GAD2: variants seen among roughly 807,000 people sequenced by gnomAD.
GAD2 encodes glutamate decarboxylase 2.
Under a neutral mutation model 80.1 loss-of-function variants are expected in GAD2, and 22 were observed. The ratio of observed to expected loss-of-function variants is 0.27; its 90% CI spans 0.20 to 0.39. The LOEUF (loss-of-function observed/expected upper bound fraction) is 0.39. GAD2 is among the 10% of genes least tolerant of loss of function. The pLI, the probability that GAD2 is intolerant of heterozygous loss-of-function variation, is 1.00. For missense variants in GAD2, 624 were observed against 738.4 expected, an observed-to-expected ratio of 0.85 and a Z score of 1.80; for synonymous variants, 274 against 256.9, an observed-to-expected ratio of 1.07 and a Z score of -0.64.
At position 26,292,932 on chromosome 10, in the gene GAD2, A is replaced by G. The variant is rs1482175569; in HGVS notation, c.1525A>G (p.Ile509Val). ...PQHTNVCFWY[I>V]PPSLRTLEDN... ...GCACACAAATGTCTGCTTCTGGTAC[A>G]TTCCTCCAAGCTTGCGTACTCTGGA... The change falls in exon 15 of 16, where the codon ATT becomes GTT. Residue 509 changes from isoleucine (I) to valine (V), a missense_variant. By Grantham distance (29) the Ile-to-Val change is conservative (BLOSUM62 3). Coordinates refer to ENST00000376261, the MANE Select transcript of GAD2 (RefSeq NM_001134366.2). The G allele has an allele frequency of 6.8e-6, 11 of 1,613,894 alleles. No individual in the cohort carries two copies. The highest frequency in any genetic ancestry group is 9.3e-6 in the Non-Finnish European group (11 of 1,179,950).
intron 3 of GAD2, 94 bp downstream of exon 3, chr10:26,218,085 G>T: frequency 7.5e-7 from 1 of 1,327,152 alleles, no homozygotes; most frequent in Non-Finnish European, 1.0e-6. Flanking sequence ...GAGCCGGACA[G>T]GGGCGTCGAG....
chr10:26,234,903 C>G (rs552284120), intron 7 of GAD2, among the ~76,000 whole-genome samples: 1 of 152,112 alleles, frequency 6.6e-6, no homozygotes, highest in South Asian at 2.1e-4. Context: ...GATGGAATCT[C>G]TCTCTGTTAC....
intron 11 of GAD2, among the ~76,000 whole-genome samples, chr10:26,277,509 A>T (rs1845223615): frequency 6.6e-6 from 1 of 152,176 alleles, no homozygotes; most frequent in African/African-American, 2.4e-5. Flanking sequence ...GTGCAATGTG[A>T]TCTCACCTGT....
intron 4 of GAD2, among the ~76,000 whole-genome samples, chr10:26,220,860 TTCTG>T (rs1423872205): frequency 1.1e-4 from 17 of 152,344 alleles, no homozygotes; most frequent in African/African-American, 4.1e-4. Flanking sequence ...AAAGTAATAG[TTCTG>T]TCTATCAACG....
At chr10:26,228,541 C>G (rs538720376) in intron 6 of GAD2, among the ~76,000 whole-genome samples, 3 of 152,318 alleles carry the variant, frequency 2.0e-5, no homozygotes, top group African/African-American at 7.2e-5. Flanking sequence ...CCCCAACCCC[C>G]TGGTGGTGGA....
intron 10 of GAD2, among the ~76,000 whole-genome samples, chr10:26,273,173 A>T (rs1336383664): frequency 6.6e-6 from 1 of 152,250 alleles, no homozygotes; most frequent in Non-Finnish European, 1.5e-5. Flanking sequence ...AATTATCCAA[A>T]ATCACACATC....
At chr10:26,232,244 C>G (rs149451829) in intron 7 of GAD2, among the ~76,000 whole-genome samples, 2 of 152,030 alleles carry the variant, frequency 1.3e-5, no homozygotes, top group East Asian at 3.9e-4. Context: ...TTTTATTGGG[C>G]GTCTTTTTCT....
intron 11 of GAD2, 135 bp downstream of exon 11, chr10:26,273,835 T>C: frequency 1.5e-6 from 1 of 679,494 alleles, no homozygotes. Flanking sequence ...CCTTGCCTTA[T>C]GTGGTATTAC....
chr10:26,259,435 A>G (rs1438717749), intron 8 of GAD2, among the ~76,000 whole-genome samples: 1 of 151,228 alleles, frequency 6.6e-6, no homozygotes, highest in Non-Finnish European at 1.5e-5. Context: ...GTGGTATTTC[A>G]TTGTGGTTTT....
chr10:26,253,550 G>T (rs1489057961), intron 8 of GAD2, among the ~76,000 whole-genome samples: 6 of 152,220 alleles, frequency 3.9e-5, no homozygotes, highest in Non-Finnish European at 8.8e-5. Flanking sequence ...ATCCAGTCAA[G>T]GGAAGAGGAG....
Position 26,281,033 on chromosome 10 carries a change from A to C in GAD2, c.1182A>C (p.Pro394=). The change falls in exon 12 of 16, where the codon CCA becomes CCC. Residue 394 remains proline, a synonymous_variant. Transcript: ENST00000376261. ...VERANSVTWN[P]HKMMGVPLQC... is the part of the protein sequence containing the mutation. ...GGGCCAACTCTGTGACGTGGAATCC[A>C]CACAAGATGATGGGAGTCCCTTTGC... is the stretch of plus-strand genomic sequence containing the variant. The C allele has an allele frequency of 3.7e-6, 6 of 1,613,882 alleles. No homozygotes were observed. Among genetic ancestry groups the C allele is most frequent in the Non-Finnish European group, 4.2e-6 (5 of 1,179,828 alleles).
intron 11 of GAD2, among the ~76,000 whole-genome samples, chr10:26,278,709 CTGA>C: frequency 6.6e-6 from 1 of 152,050 alleles, no homozygotes; most frequent in Non-Finnish European, 1.5e-5. Flanking sequence ...GGGTAGTTAT[CTGA>C]CCATGAACTG....
At chr10:26,269,205 A>T (rs1376928637) in intron 9 of GAD2, 32 bp downstream of exon 9, 1 of 1,555,296 alleles carries the variant, frequency 6.4e-7, no homozygotes, top group African/African-American at 1.4e-5. Context: ...TATCCAGCCC[A>T]TATTTCTATT....
chr10:26,281,121 G>C (rs1410538253), intron 12 of GAD2, 34 bp downstream of exon 12: 4 of 1,503,602 alleles, frequency 2.7e-6, no homozygotes, highest in Non-Finnish European at 1.9e-6. Flanking sequence ...CCCAGTCCGT[G>C]CGTGGGCTTT....
At chr10:26,223,813 A>T in intron 4 of GAD2, 74 bp from the exon 5 acceptor site, 1 of 947,450 alleles carries the variant, frequency 1.1e-6, no homozygotes. Context: ...TCCTTTAGCT[A>T]GAGAAATCAT....
At chr10:26,218,913 T>C in intron 3 of GAD2, 130 bp from the exon 4 acceptor site, 7 of 604,338 alleles carry the variant, frequency 1.2e-5, no homozygotes, top group Non-Finnish European at 1.3e-5. Context: ...AGAAAAATGT[T>C]CTGCCTTTCC....
chr10:26,290,992 G>A (rs1834209254), intron 13 of GAD2, among the ~76,000 whole-genome samples: 1 of 152,150 alleles, frequency 6.6e-6, no homozygotes, highest in African/African-American at 2.4e-5. Flanking sequence ...CCCAGACCAG[G>A]GGAACCAGAG....
At chr10:26,300,524 C>T (rs1834318219) in intron 15 of GAD2, among the ~76,000 whole-genome samples, 1 of 152,032 alleles carries the variant, frequency 6.6e-6, no homozygotes, top group South Asian at 2.1e-4. Flanking sequence ...CCTCCCAAAA[C>T]ACTAACTGGA....
chr10:26,262,929 G>C (rs1276852841), intron 8 of GAD2, among the ~76,000 whole-genome samples: 1 of 151,814 alleles, frequency 6.6e-6, no homozygotes, highest in Non-Finnish European at 1.5e-5. Context: ...AATGTGAGGT[G>C]GTCAGCACAC....
Sources: allele counts gnomAD v4.1 joint callset (sites outside exome capture counted in the v4.1 genomes callset), GRCh38; gene constraint gnomAD v4.1.1; transcripts MANE v1.5; gene names NCBI Gene and HGNC (gene_info 2026-07-23, HGNC 2026-07-21).